The following MAF variants were observed in gnomAD, a reference collection of about 807,000 sequenced individuals.
MAF encodes the protein transcription factor Maf.
Under a neutral mutation model 22.0 loss-of-function variants are expected in MAF, and 10 were observed. That is an observed-to-expected ratio of 0.45 (90% CI 0.28 to 0.77). The LOEUF (loss-of-function observed/expected upper bound fraction) is 0.77. MAF is among the 30% of genes least tolerant of loss of function. The pLI, the probability that MAF is intolerant of heterozygous loss-of-function variation, is 0.12. For synonymous variants in MAF, 337 were observed against 255.8 expected (o/e 1.32, Z -3.03); for missense variants, 544 against 548.4 (o/e 0.99, Z 0.08).
the MAF span, among the ~76,000 whole-genome samples, chr16:79,243,957 GA>G: frequency 1.3e-5 from 2 of 151,832 alleles, no homozygotes; most frequent in African/African-American, 2.4e-5. Flanking sequence ...CAAAACCAAT[GA>G]AAAAAACCAC....
chr16:79,404,126 G>C, the MAF span, among the ~76,000 whole-genome samples: 1 of 149,678 alleles, frequency 6.7e-6, no homozygotes, highest in Non-Finnish European at 1.5e-5. Context: ...TGTCCGATTT[G>C]TAGGAGCCCT....
At chr16:79,368,199 G>A in the MAF span, among the ~76,000 whole-genome samples, 8 of 152,262 alleles carry the variant, frequency 5.3e-5, no homozygotes, top group South Asian at 2.1e-4. Context: ...TTTTCATCGC[G>A]TCTGGGAGCT....
At chr16:79,372,088 T>TA in the MAF span, among the ~76,000 whole-genome samples, 3 of 150,128 alleles carry the variant, frequency 2.0e-5, no homozygotes, top group South Asian at 4.2e-4. Flanking sequence ...TTTTTTTTTT[T>TA]ACCCCAAGTG....
At chr16:79,540,567 C>G in the MAF span, among the ~76,000 whole-genome samples, 1 of 152,194 alleles carries the variant, frequency 6.6e-6, no homozygotes, top group Non-Finnish European at 1.5e-5. Context: ...TCATGGTCAA[C>G]AATGCTCATT....
chr16:79,220,255 C>CAAGA, the MAF span, among the ~76,000 whole-genome samples: 1 of 94,060 alleles, frequency 1.1e-5, no homozygotes, highest in Non-Finnish European at 2.1e-5. Flanking sequence ...GACTCCATCT[C>CAAGA]AAAAAAAAAA....
chr16:79,309,726 C>G, the MAF span, among the ~76,000 whole-genome samples: 1 of 152,238 alleles, frequency 6.6e-6, no homozygotes. Flanking sequence ...CCATAAATTA[C>G]GAGGTGGTCA....
the MAF span, among the ~76,000 whole-genome samples, chr16:79,260,940 C>G: frequency 6.6e-6 from 1 of 152,106 alleles, no homozygotes. Flanking sequence ...AACTAACATT[C>G]TAGAAAGATG....
the MAF span, among the ~76,000 whole-genome samples, chr16:79,248,181 T>G: frequency 1.8e-4 from 28 of 151,710 alleles, no homozygotes; most frequent in African/African-American, 6.5e-4. Flanking sequence ...TTTTTTTTTT[T>G]TAAATTAACT....
the MAF span, among the ~76,000 whole-genome samples, chr16:79,387,628 C>T: frequency 6.6e-6 from 1 of 152,118 alleles, no homozygotes; most frequent in Non-Finnish European, 1.5e-5. Flanking sequence ...ATAATGGGTA[C>T]TTATTGATGA....
At chr16:79,354,380 G>T in the MAF span, among the ~76,000 whole-genome samples, 2 of 152,122 alleles carry the variant, frequency 1.3e-5, no homozygotes, top group African/African-American at 4.8e-5. Flanking sequence ...AAGAAACCTA[G>T]TTCCTGGAAT....
At chr16:79,316,578 TCACTGGAAGGTGC>T in the MAF span, among the ~76,000 whole-genome samples, 1 of 152,170 alleles carries the variant, frequency 6.6e-6, no homozygotes, top group African/African-American at 2.4e-5. Context: ...AACCCAAAGA[TCACTGGAAGGTGC>T]CACCAGTCAC....
chr16:79,528,290 T>G, the MAF span, among the ~76,000 whole-genome samples: 1 of 152,096 alleles, frequency 6.6e-6, no homozygotes, highest in Non-Finnish European at 1.5e-5. Flanking sequence ...GCAGTCCCAG[T>G]AGCAATGGTA....
chr16:79,572,955 G>T, the MAF span, among the ~76,000 whole-genome samples: 1 of 152,162 alleles, frequency 6.6e-6, no homozygotes, highest in Non-Finnish European at 1.5e-5. Flanking sequence ...GCTCACAATG[G>T]TGTATGGAGA....
chr16:79,420,300 G>A, the MAF span, among the ~76,000 whole-genome samples: 13 of 152,176 alleles, frequency 8.5e-5, no homozygotes, highest in Non-Finnish European at 1.6e-4. Context: ...CGAGGCCAAC[G>A]TGGGACAGGG....
At chr16:79,569,380 G>A in the MAF span, among the ~76,000 whole-genome samples, 1 of 152,204 alleles carries the variant, frequency 6.6e-6, no homozygotes, top group Non-Finnish European at 1.5e-5. Flanking sequence ...AAACAGGTGA[G>A]TTTCTCTGGA....
chr16:79,448,397 C>T, the MAF span, among the ~76,000 whole-genome samples: 1 of 145,774 alleles, frequency 6.9e-6, no homozygotes, highest in Non-Finnish European at 1.5e-5. Flanking sequence ...TTTTTTTTAG[C>T]AATGAAGCAT....
the MAF span, among the ~76,000 whole-genome samples, chr16:79,449,175 G>T: frequency 9.2e-5 from 14 of 152,136 alleles, no homozygotes; most frequent in Non-Finnish European, 2.1e-4. Flanking sequence ...TGCTGCCACC[G>T]ATCTGACAGG....
At chr16:79,501,115 A>T in the MAF span, among the ~76,000 whole-genome samples, 1 of 152,172 alleles carries the variant, frequency 6.6e-6, no homozygotes, top group African/African-American at 2.4e-5. Flanking sequence ...TCAAGGTGTC[A>T]CCACACTCCC....
chr16:79,240,487 G>GAAAAAAAAAA, the MAF span, among the ~76,000 whole-genome samples: 10 of 60,730 alleles, frequency 1.6e-4, 1 homozygote, highest in African/African-American at 2.6e-4. Context: ...AGCATCTCTG[G>GAAAAAAAAAA]AAAAAAAAAA....
Sources: gnomAD v4.1 joint callset for allele counts (sites outside exome capture counted in the v4.1 genomes callset) on GRCh38, gnomAD v4.1.1 for gene constraint, MANE v1.5 for transcripts, NCBI Gene and HGNC (gene_info 2026-07-23, HGNC 2026-07-21) for gene names.